Variants in NINJ2 observed in about 807,000 individuals in gnomAD.
NINJ2 encodes the protein ninjurin 2.
A neutral mutation model predicts 11.7 loss-of-function variants in NINJ2; 12 were observed. That is an observed-to-expected ratio of 1.02 (90% CI 0.66 to 1.66). The LOEUF (loss-of-function observed/expected upper bound fraction) is 1.66, where lower values mean the gene tolerates loss of function less well. Among genes scored for constraint, NINJ2 ranks in the 40% most tolerant of loss-of-function variants. NINJ2 has a pLI of 0.00. For synonymous variants in NINJ2, 93 were observed against 76.8 expected (o/e 1.21, Z -1.10); for missense variants, 187 against 181.8 (o/e 1.03, Z -0.16).
intron 1 of NINJ2, among the ~76,000 whole-genome samples, chr12:662,385 C>T (rs1444697739): frequency 2.0e-5 from 3 of 150,028 alleles, no homozygotes; most frequent in Middle Eastern, 3.5e-3. Context: ...CTCACGCCAC[C>T]CTGCCCAAAA....
intron 1 of NINJ2, among the ~76,000 whole-genome samples, chr12:637,934 G>A (rs1948372505): frequency 6.6e-6 from 1 of 152,322 alleles, no homozygotes; most frequent in African/African-American, 2.4e-5. Flanking sequence ...CAGGGCCAAA[G>A]GATTAAGGAC....
At chr12:646,535 C>T (rs569383821) in intron 1 of NINJ2, among the ~76,000 whole-genome samples, 24 of 152,254 alleles carry the variant, frequency 1.6e-4, no homozygotes, top group African/African-American at 2.4e-5. Context: ...CGTAGATCAC[C>T]GTGAAAGCCA....
intron 1 of NINJ2, among the ~76,000 whole-genome samples, chr12:621,342 T>C (rs1219900872): frequency 6.6e-6 from 1 of 151,878 alleles, no homozygotes; most frequent in Non-Finnish European, 1.5e-5. Context: ...TAGTCCCAGC[T>C]ACTTGGGAGG....
chr12:628,446 A>G lies in NINJ2; in HGVS notation c.33+34882T>C, dbSNP rs772518125. 1.3e-5 allele frequency among the ~76,000 whole-genome samples: 2 copies of G among 152,212 alleles called. No individual in the cohort carries two copies. Among genetic ancestry groups the G allele is most frequent in the Non-Finnish European group, 2.9e-5 (2 of 68,018 alleles). ...ACACTCTTCCTGGCTTTTCTGGTAC[A>G]GAGTGACCAACATAACAGTTAATAG... On this transcript the variant is annotated intron_variant, in intron 1 of 3. Transcript: ENST00000305108. The surrounding 1 kb of genome is among the most constrained non-coding windows in gnomAD (Gnocchi z 4.4).
intron 3 of NINJ2, 75 bp downstream of exon 3, chr12:565,142 G>T: frequency 8.1e-7 from 1 of 1,231,008 alleles, no homozygotes. Flanking sequence ...TCTGTTTCTT[G>T]CCCCAAAGCC....
intron 1 of NINJ2, among the ~76,000 whole-genome samples, chr12:616,830 C>A (rs1230762612): frequency 6.6e-6 from 1 of 152,190 alleles, no homozygotes; most frequent in Non-Finnish European, 1.5e-5. Context: ...CTAGTTGAAC[C>A]AATGAAGGAT....
intron 1 of NINJ2, among the ~76,000 whole-genome samples, chr12:599,888 C>T (rs1259215070): frequency 6.6e-6 from 1 of 152,194 alleles, no homozygotes; most frequent in Non-Finnish European, 1.5e-5. Context: ...GTCTCGGGCA[C>T]AGGAGTAGCC....
chr12:624,002 T>C (rs1186769699), intron 1 of NINJ2, among the ~76,000 whole-genome samples: 1 of 152,090 alleles, frequency 6.6e-6, no homozygotes, highest in Non-Finnish European at 1.5e-5. Flanking sequence ...CACCACTGCA[T>C]TCCAGCCTTG....
chr12:580,585 T>G lies in NINJ2; in HGVS notation c.34-14407A>C, dbSNP rs976845895. On this transcript the variant is annotated intron_variant, in intron 1 of 3. Coordinates refer to ENST00000305108, the MANE Select transcript of NINJ2 (RefSeq NM_016533.6). The surrounding 1 kb of genome is among the most constrained non-coding windows in gnomAD (Gnocchi z 4.7). ...CTGCATGACAGAGAGAGACCCTGTC[T>G]CAAAAAAAAAAAAATATATATATAT... Among the ~76,000 whole-genome samples the G allele has an allele frequency of 1.6e-4, 6 of 38,306 alleles. No individual in the cohort carries two copies. Among genetic ancestry groups the G allele is most frequent in the Non-Finnish European group, 2.9e-4 (6 of 20,992 alleles). 25.1% of individuals were successfully genotyped at this position (38,306 alleles called of 152,430 possible). A position where few individuals can be genotyped will look rare whatever the true frequency, so the allele number is the denominator to read the frequency against.
At chr12:662,996 C>G (rs1937977949) in intron 1 of NINJ2, among the ~76,000 whole-genome samples, 1 of 151,926 alleles carries the variant, frequency 6.6e-6, no homozygotes, top group Non-Finnish European at 1.5e-5. Flanking sequence ...TCTCTACTGT[C>G]CTGGGGTTTG....
chr12:656,418 G>A (rs1342375712), intron 1 of NINJ2, among the ~76,000 whole-genome samples: 1 of 149,700 alleles, frequency 6.7e-6, no homozygotes, highest in South Asian at 2.2e-4. Context: ...TGAAGGAAAA[G>A]AACAAAGTCA....
chr12:571,284 T>C (rs886500932), intron 1 of NINJ2, among the ~76,000 whole-genome samples: 1 of 152,218 alleles, frequency 6.6e-6, no homozygotes, highest in African/African-American at 2.4e-5. Context: ...GATCCAGAGT[T>C]TGATCTGGAC....
chr12:596,427 T>C (rs549709775), intron 1 of NINJ2, among the ~76,000 whole-genome samples: 6 of 152,226 alleles, frequency 3.9e-5, no homozygotes, highest in African/African-American at 1.4e-4. Flanking sequence ...ACCCCTCTGC[T>C]GGGGGATGTT....
At chr12:609,274 ACGCGCTAGGTGCTGAACGCACACGCAC>A (rs1947989427) in intron 1 of NINJ2, among the ~76,000 whole-genome samples, 1 of 77,886 alleles carries the variant, frequency 1.3e-5, no homozygotes, top group African/African-American at 6.5e-5. Context: ...GCACGGCGCC[ACGCGCTAGGTGCTGAACGCACACGCAC>A]GGCGCCACGC....
intron 1 of NINJ2, among the ~76,000 whole-genome samples, chr12:602,091 C>T (rs565857071): frequency 1.2e-4 from 18 of 152,268 alleles, no homozygotes; most frequent in African/African-American, 4.1e-4. Flanking sequence ...ACTGAGGAAC[C>T]CCATGCATAA....
At chr12:587,978 T>C (rs922397257) in intron 1 of NINJ2, among the ~76,000 whole-genome samples, 1 of 151,580 alleles carries the variant, frequency 6.6e-6, no homozygotes, top group African/African-American at 2.4e-5. Flanking sequence ...GTTTTATCCA[T>C]GAAGGGAGGG....
intron 1 of NINJ2, among the ~76,000 whole-genome samples, chr12:607,567 A>G (rs748311068): frequency 1.3e-5 from 2 of 152,186 alleles, no homozygotes; most frequent in South Asian, 2.1e-4. Context: ...AGGTGTTGAC[A>G]TAGGAAAGCC....
intron 1 of NINJ2, among the ~76,000 whole-genome samples, chr12:606,342 T>C (rs1237568172): frequency 2.0e-5 from 3 of 152,150 alleles, no homozygotes; most frequent in Non-Finnish European, 4.4e-5. Context: ...AAAAATTAGA[T>C]ACAAAAGACA....
Position 564,572 on chromosome 12 carries a change from G to C in NINJ2, c.*128C>G, listed in dbSNP as rs1301935003. On this transcript the variant is annotated 3_prime_UTR_variant, in exon 4 of 4. Transcript: ENST00000305108. ...CTTTTTAACTCAGGTGCTGTGGGTA[G>C]GGAGCAAGGGCAGCTATACTGTCCT... 1 of 152,278 alleles carries C rather than the reference G, an allele frequency of 6.6e-6. No homozygotes were observed. Among genetic ancestry groups the C allele is most frequent in the Admixed American group, 6.5e-5 (1 of 15,290 alleles). The allele number at this position is 152,278 out of a possible 1,614,324, so 9.4% of individuals were successfully genotyped here. A position where few individuals can be genotyped will look rare whatever the true frequency, so the allele number is the denominator to read the frequency against.
Sources: gnomAD v4.1 joint callset for allele counts (sites outside exome capture counted in the v4.1 genomes callset) on GRCh38, gnomAD v4.1.1 for gene constraint, Gnocchi (gnomAD v3.1) non-coding constraint, MANE v1.5 for transcripts, NCBI Gene and HGNC (gene_info 2026-07-23, HGNC 2026-07-21) for gene names.